The following FAM53A variants were observed in gnomAD, a reference collection of about 807,000 sequenced individuals.
The protein encoded by FAM53A is family with sequence similarity 53 member A, also known as protein FAM53A.
FAM53A carries 28 observed loss-of-function variants against 26.6 expected under a neutral mutation model. That is an observed-to-expected ratio of 1.05 (90% confidence interval 0.78 to 1.45). The LOEUF is 1.45. Ranked by LOEUF, FAM53A falls within the 40% of genes most tolerant of loss-of-function variation. FAM53A has a pLI of 0.00. For synonymous variants in FAM53A, 290 were observed against 253.1 expected (o/e 1.15, Z -1.38); for missense variants, 650 against 575.8 (o/e 1.13, Z -1.32).
intron 2 of FAM53A, among the ~76,000 whole-genome samples, chr4:1,664,214 A>G (rs1205159123): frequency 6.6e-6 from 1 of 152,248 alleles, no homozygotes; most frequent in African/African-American, 2.4e-5. Flanking sequence ...CATGTGTCTT[A>G]AAGTCTTTAT....
At position 1,668,734 on chromosome 4, in the gene FAM53A, G is replaced by A. The variant is rs1231794581; in HGVS notation, c.8C>T (p.Thr3Ile). The A allele has an allele frequency of 1.2e-6, 2 of 1,614,216 alleles. No individual in the cohort carries two copies. The highest frequency in any genetic ancestry group is 1.1e-5 in the South Asian group (1 of 91,088). The change falls in exon 2 of 5, where the codon ACA becomes ATA. Residue 3 changes from threonine (T) to isoleucine (I), a missense_variant. By Grantham distance (89) the Thr-to-Ile change is moderately conservative. Transcript: ENST00000308132. The part of the protein sequence containing the change: MV[T>I]LITEKLQSQS... ...GCTCTGCAGCTTCTCAGTGATGAGT[G>A]TGACCATGGTCGGGGCCCCGTGTCC...
Position 1,640,382 on chromosome 4 carries a change from G to A in FAM53A, c.*911C>T, listed in dbSNP as rs73194142. 2.2e-4 allele frequency: 57 copies of A among 256,754 alleles called. 1 individual carries two copies. The highest frequency in any genetic ancestry group is 5.8e-4 in the South Asian group (15 of 25,738). 15.9% of individuals were successfully genotyped at this position (256,754 alleles called of 1,614,324 possible). On this transcript the variant is annotated 3_prime_UTR_variant, in exon 5 of 5. Coordinates refer to ENST00000308132, the MANE Select transcript of FAM53A (RefSeq NM_001174070.3). The stretch of plus-strand genomic sequence containing the variant: ...GGCCAGTGGGACTCTGACCACCAAC[G>A]CCCGGGGTTTCCTAGCAACTAAAGC...
intron 4 of FAM53A, among the ~76,000 whole-genome samples, chr4:1,643,490 G>A (rs990010366): frequency 2.6e-5 from 4 of 151,376 alleles, no homozygotes; most frequent in Admixed American, 2.0e-4. Context: ...ATAGACAAAA[G>A]ACGAATTGAC....
chr4:1,625,623 G>A lies in FAM53A; in HGVS notation c.432-7512C>T, dbSNP rs189331355. 3.9e-4 allele frequency among the ~76,000 whole-genome samples: 37 copies of A among 94,858 alleles called. 2 individuals are homozygous for A. Among genetic ancestry groups the A allele is most frequent in the African/African-American group, 1.2e-3 (33 of 27,396 alleles). 62.2% of individuals were successfully genotyped at this position (94,858 alleles called of 152,430 possible). A position where few individuals can be genotyped will look rare whatever the true frequency, so the allele number is the denominator to read the frequency against. On this transcript the variant is annotated intron_variant, in intron 1 of 1. Coordinates refer to the FAM53A transcript ENST00000489029. ...CCCCATGTCCCGACCCACGTGGTCA[G>A]GGTCACGCCAGGTGATCAGAAGGCC...
At chr4:1,614,658 G>A (rs1398974963), downstream of FAM53A, among the ~76,000 whole-genome samples, 1 of 152,122 alleles carries the variant, frequency 6.6e-6, no homozygotes, top group Non-Finnish European at 1.5e-5. Flanking sequence ...CCTCTGCACA[G>A]GGAGCTCCTG....
In FAM53A at chr4:1,630,821, CAG is replaced by C. The variant is rs1356341017; in HGVS notation, c.432-12712_432-12711del. Among the ~76,000 whole-genome samples, 1 of 152,150 alleles carries C rather than the reference CAG, an allele frequency of 6.6e-6. No homozygotes were observed. Among genetic ancestry groups the C allele is most frequent in the Non-Finnish European group, 1.5e-5 (1 of 68,032 alleles). On this transcript the variant is annotated intron_variant, in intron 1 of 1. Transcript: ENST00000489029. This position sits in a 1 kb window ranked among gnomAD's most constrained non-coding sequence, Gnocchi z 4.3. ...GCGATGGGATAAAATGGTTTGGAAC[CAG>C]AGAGAGGCGGTGTCTGCACCATCTC...
chr4:1,667,818 C>T (rs1253968576), intron 2 of FAM53A, among the ~76,000 whole-genome samples: 1 of 152,220 alleles, frequency 6.6e-6, no homozygotes, highest in African/African-American at 2.4e-5. Flanking sequence ...GAGGGCCTGG[C>T]AAGACCCTCC....
At chr4:1,586,875 T>G in the FAM53A span, among the ~76,000 whole-genome samples, 3 of 152,130 alleles carry the variant, frequency 2.0e-5, no homozygotes, top group East Asian at 5.8e-4. Context: ...TCTTTTCCAC[T>G]TTTCTCCACA....
the FAM53A span, among the ~76,000 whole-genome samples, chr4:1,598,669 GAT>G: frequency 6.6e-6 from 1 of 152,192 alleles, no homozygotes; most frequent in Admixed American, 6.5e-5. Flanking sequence ...AAGAGCCACT[GAT>G]ATATGTTACG....
chr4:1,642,726 G>A (rs1047450062), intron 4 of FAM53A, among the ~76,000 whole-genome samples: 4 of 141,404 alleles, frequency 2.8e-5, no homozygotes, highest in East Asian at 2.3e-4. Flanking sequence ...GCCCAGCGCC[G>A]TCCATGCCAC....
the FAM53A span, among the ~76,000 whole-genome samples, chr4:1,596,155 C>G: frequency 6.6e-6 from 1 of 152,172 alleles, no homozygotes; most frequent in Non-Finnish European, 1.5e-5. Flanking sequence ...CAGGCCACAC[C>G]CACAGAATCA....
chr4:1,626,100 G>A (rs1296905617), intron 1 of FAM53A, among the ~76,000 whole-genome samples: 1 of 152,158 alleles, frequency 6.6e-6, no homozygotes, highest in East Asian at 1.9e-4. Flanking sequence ...CGTCCTTCTG[G>A]GCCTTGTTCC....
At chr4:1,685,729 G>A (rs1316969784), upstream of FAM53A, among the ~76,000 whole-genome samples, 3 of 152,158 alleles carry the variant, frequency 2.0e-5, no homozygotes, top group Admixed American at 6.5e-5. Flanking sequence ...CATTCTCTTC[G>A]CTGGGGTCCG....
At chr4:1,652,742 GCA>G (rs1278448277) in intron 4 of FAM53A, among the ~76,000 whole-genome samples, 9 of 105,924 alleles carry the variant, frequency 8.5e-5, no homozygotes, top group East Asian at 3.1e-4. Context: ...ACCACACACT[GCA>G]CACACACACC....
At chr4:1,649,123 AGGAAGGGGAAGG>A (rs1193453499) in intron 4 of FAM53A, among the ~76,000 whole-genome samples, 9 of 111,692 alleles carry the variant, frequency 8.1e-5, no homozygotes, top group Admixed American at 3.1e-4. Context: ...GAAAGGGAAG[AGGAAGGGGAAGG>A]GGAAGGGGAA....
chr4:1,673,250 G>A (rs1287932408), intron 1 of FAM53A, among the ~76,000 whole-genome samples: 1 of 152,188 alleles, frequency 6.6e-6, no homozygotes, highest in African/African-American at 2.4e-5. Flanking sequence ...AAAAACGGCA[G>A]GGAGGACATG....
chr4:1,603,112 T>A, the FAM53A span, among the ~76,000 whole-genome samples: 1 of 152,128 alleles, frequency 6.6e-6, no homozygotes. Context: ...TCCTGCTCGG[T>A]GGGAAGCCCA....
At chr4:1,594,966 G>A in the FAM53A span, among the ~76,000 whole-genome samples, 1 of 152,188 alleles carries the variant, frequency 6.6e-6, no homozygotes, top group African/African-American at 2.4e-5. Flanking sequence ...GCAGACTGCC[G>A]GCCCCAGGCA....
intron 4 of FAM53A, among the ~76,000 whole-genome samples, chr4:1,642,890 C>G (rs1047581120): frequency 4.6e-5 from 7 of 152,224 alleles, no homozygotes; most frequent in Non-Finnish European, 8.8e-5. Flanking sequence ...CACGTGGGTG[C>G]CACTGGCCAC....
Sources: gnomAD v4.1 joint callset for allele counts (sites outside exome capture counted in the v4.1 genomes callset) on GRCh38, gnomAD v4.1.1 for gene constraint, Gnocchi (gnomAD v3.1) non-coding constraint, MANE v1.5 for transcripts, NCBI Gene and HGNC (gene_info 2026-07-23, HGNC 2026-07-21) for gene names.